The following SEPTIN12 variants were observed in gnomAD, a reference collection of about 807,000 sequenced individuals.
SEPTIN12 encodes septin 12, also known as septin-12.
A neutral mutation model predicts 37.7 loss-of-function variants in SEPTIN12; 42 were observed. The observed-to-expected ratio is 1.11, with a 90% CI of 0.87 to 1.44. The LOEUF is 1.44. SEPTIN12 is among the 40% of genes most tolerant of loss of function. The pLI is 0.00. For missense variants in SEPTIN12, 613 were observed against 479.2 expected (o/e 1.28, Z -2.61); for synonymous variants, 254 against 196.7 (o/e 1.29, Z -2.44).
At chr16:4,781,943 CTTTTTTTT>C (rs571415645) in intron 7 of SEPTIN12, among the ~76,000 whole-genome samples, 3 of 47,446 alleles carry the variant, frequency 6.3e-5, no homozygotes, top group South Asian at 1.7e-3. Context: ...CGTGCCCGGC[CTTTTTTTT>C]TTTTTTTTTT....
chr16:4,784,338 T>C (rs1486395091), intron 4 of SEPTIN12: 1 of 466,980 alleles, frequency 2.1e-6, no homozygotes, highest in Non-Finnish European at 3.9e-6. Flanking sequence ...GAGCATTAAC[T>C]GTATTAAAGG....
chr16:4,787,018 G>C (rs901577549), intron 2 of SEPTIN12, among the ~76,000 whole-genome samples: 36 of 152,106 alleles, frequency 2.4e-4, no homozygotes, highest in African/African-American at 8.7e-4. Flanking sequence ...CCTAAGTACA[G>C]GCGCCCACCA....
chr16:4,783,216 C>T, intron 7 of SEPTIN12: 2 of 521,128 alleles, frequency 3.8e-6, no homozygotes, highest in South Asian at 2.1e-5. Context: ...GCCCAATGTT[C>T]TCTATATATT....
rs111690851 is a variant in SEPTIN12 at position 4,779,707 on chromosome 16, T to G, written c.806A>C (p.Lys269Thr). 1.2e-6 allele frequency: 2 copies of G among 1,612,902 alleles called. No individual in the cohort carries two copies. The highest frequency in any genetic ancestry group is 2.2e-5 in the South Asian group (2 of 91,062). Residue 269 changes from lysine (K) to threonine (T), a missense_variant, in exon 8 of 10, where the codon AAG becomes ACG. By Grantham distance (78) the Lys-to-Thr change is moderately conservative. Transcript: ENST00000268231. ...GCACTGACCTTCAATGATGCCCCAC[T>G]TGGTCTTCCGGCCCAGGACACACCT... ...NGRCVLGRKTKWGIIEVENMA... is the reference protein window; with the variant it reads ...NGRCVLGRKTTWGIIEVENMA...
At chr16:4,784,621 T>G (rs961154127) in intron 4 of SEPTIN12, among the ~76,000 whole-genome samples, 1 of 90,156 alleles carries the variant, frequency 1.1e-5, no homozygotes, top group Non-Finnish European at 2.7e-5. Flanking sequence ...AATACACAAA[T>G]TAGCTCGGTG....
intron 4 of SEPTIN12, 136 bp from the exon 5 acceptor site, chr16:4,784,204 C>G (rs891785847): frequency 5.6e-6 from 5 of 888,746 alleles, no homozygotes; most frequent in Non-Finnish European, 8.8e-6. Context: ...GTGGGTCACC[C>G]CGGTACTTTC....
At position 4,777,825 on chromosome 16, in the gene SEPTIN12, GC is replaced by G; in HGVS notation, c.1048del (p.Ala350ProfsTer?). The G allele has an allele frequency of 3.8e-6, 6 of 1,579,362 alleles. No homozygotes were observed. The highest frequency in any genetic ancestry group is 1.9e-5 in the Admixed American group (1 of 53,340). ...GAACTCATCATCAGAATCGTCATGG[GC>G]CCCCCTGCAGACCTTGAAGGTCCGG... ...TPRTFKVCRG[A>X]HDDSDDEF is the part of the protein sequence containing the mutation. On this transcript the variant is annotated frameshift_variant, in exon 10 of 10. Transcript: ENST00000268231. LOFTEE classifies it high-confidence loss of function.
intron 4 of SEPTIN12, 98 bp from the exon 5 acceptor site, chr16:4,784,166 A>ATT: frequency 6.9e-7 from 1 of 1,442,336 alleles, no homozygotes; most frequent in Non-Finnish European, 9.6e-7. Flanking sequence ...CCTTGGGACG[A>ATT]CGAATCGTCC....
chr16:4,786,871 C>G (rs1189106311), intron 2 of SEPTIN12, among the ~76,000 whole-genome samples: 1 of 151,834 alleles, frequency 6.6e-6, no homozygotes, highest in East Asian at 1.9e-4. Flanking sequence ...TGGTCATGAA[C>G]TCCTGGCCTC....
In SEPTIN12 at chr16:4,779,785, T is replaced by C; in HGVS notation, c.728A>G (p.Asp243Gly). The stretch of plus-strand genomic sequence containing the variant: ...CCCTACCACGGCAAAAGGGATTCGG[T>C]CCTGGGAAAGGAGAAGACACAGAGA... ...NDKILNSKLRDRIPFAVVGAD... is the reference protein window; with the variant it reads ...NDKILNSKLRGRIPFAVVGAD... The change falls in exon 8 of 10, where the codon GAC (aspartate) becomes GGC (glycine). Residue 243 changes from aspartate to glycine, a missense_variant and splice_region_variant. By Grantham distance (94) the Asp-to-Gly change is moderately conservative. Transcript: ENST00000268231. 1.2e-6 allele frequency: 2 copies of C among 1,608,178 alleles called. No individual in the cohort carries two copies. The highest frequency in any genetic ancestry group is 1.7e-6 in the Non-Finnish European group (2 of 1,174,736).
intron 7 of SEPTIN12, among the ~76,000 whole-genome samples, chr16:4,781,001 C>T (rs1355318984): frequency 6.6e-6 from 1 of 152,058 alleles, no homozygotes; most frequent in Non-Finnish European, 1.5e-5. Flanking sequence ...TGGCTCACGC[C>T]TATAATCCCA....
At chr16:4,788,512 G>C (rs2082496931), upstream of SEPTIN12, 1 of 152,182 alleles carries the variant, frequency 6.6e-6, no homozygotes, top group African/African-American at 2.4e-5. Context: ...AGTAGAACCA[G>C]GGGCCCAAGG....
chr16:4,777,673 G>C lies in SEPTIN12; in HGVS notation c.*124C>G, dbSNP rs770440641. The C allele has an allele frequency of 5.7e-5, 44 of 771,848 alleles. No individual in the cohort carries two copies. Among genetic ancestry groups the C allele is most frequent in the Non-Finnish European group, 8.2e-5 (40 of 489,126 alleles). The allele number at this position is 771,848 out of a possible 1,614,324, so 47.8% of individuals were successfully genotyped here. A position where few individuals can be genotyped will look rare whatever the true frequency, so the allele number is the denominator to read the frequency against. The stretch of plus-strand genomic sequence containing the variant: ...AGAAGTCATTTACAAAATGCCTTTT[G>C]TTTTCAAAGCACAGCTTTTCATAAA... On this transcript the variant is annotated 3_prime_UTR_variant, in exon 10 of 10. Transcript: ENST00000268231.
chr16:4,790,750 T>C (rs2082538850), upstream of SEPTIN12, among the ~76,000 whole-genome samples: 1 of 152,006 alleles, frequency 6.6e-6, no homozygotes, highest in Non-Finnish European at 1.5e-5. Flanking sequence ...GATCGTGCCA[T>C]TGCACTCCAG....
rs1302901801 is a variant in SEPTIN12 at position 4,784,087 on chromosome 16, C to T, written c.375-19G>A. On this transcript the variant is annotated intron_variant, in intron 4 of 9. Coordinates refer to ENST00000268231, the MANE Select transcript of SEPTIN12 (RefSeq NM_144605.5). The stretch of plus-strand genomic sequence containing the variant: ...GTCCCAGCTGAGGCGGGAGGTGGAC[C>T]CTCCCCTCAGAACTGTGCTGTGCCC... 2.5e-6 allele frequency: 4 copies of T among 1,613,552 alleles called. No homozygotes were observed. Among genetic ancestry groups the T allele is most frequent in the East Asian group, 2.2e-5 (1 of 44,850 alleles).
At chr16:4,784,889 C>T (rs554681836) in intron 4 of SEPTIN12, among the ~76,000 whole-genome samples, 4 of 152,216 alleles carry the variant, frequency 2.6e-5, no homozygotes, top group African/African-American at 7.2e-5. Context: ...GCAAGTGGAT[C>T]ACCTGAGGTC....
rs78006978 is a variant in SEPTIN12 at position 4,784,032 on chromosome 16, G to C, written c.411C>G (p.Tyr137Ter). ...GGATCTCCTCCTGCAGGTACTGCTC[G>C]TATTGCTCGTTGATGTAGCCCAGGA... Reference protein sequence around the residue: ...DPILGYINEQYEQYLQEEILI... With the variant: ...DPILGYINEQ Residue 137 changes from tyrosine (Y) to a stop codon, truncating the protein, a stop_gained, in exon 5 of 10, where the codon TAC becomes TAG. Transcript: ENST00000268231. LOFTEE classifies it high-confidence loss of function. 2 of 1,614,032 alleles carry C rather than the reference G, an allele frequency of 1.2e-6. No individual in the cohort carries two copies. The highest frequency in any genetic ancestry group is 2.2e-5 in the East Asian group (1 of 44,878).
intron 7 of SEPTIN12, chr16:4,783,229 G>C (rs1014034204): frequency 1.8e-6 from 1 of 555,672 alleles, no homozygotes. Context: ...TATATATTCA[G>C]GATACAAGCC....
intron 2 of SEPTIN12, 23 bp downstream of exon 2, chr16:4,787,457 C>G: frequency 1.2e-6 from 2 of 1,609,466 alleles, no homozygotes; most frequent in Non-Finnish European, 1.7e-6. Context: ...TCTGTCCTGC[C>G]GTGGGCCCTA....
Sources: gnomAD v4.1 joint callset for allele counts (sites outside exome capture counted in the v4.1 genomes callset) on GRCh38, gnomAD v4.1.1 for gene constraint, MANE v1.5 for transcripts, NCBI Gene and HGNC (gene_info 2026-07-23, HGNC 2026-07-21) for gene names.